ZNF382: variants seen among roughly 807,000 people sequenced by gnomAD.
The protein encoded by ZNF382 is zinc finger protein 382, also known as KRAB/zinc finger suppressor protein 1.
A neutral mutation model predicts 38.8 loss-of-function variants in ZNF382; 20 were observed. The observed-to-expected ratio is 0.51, with a 90% CI of 0.36 to 0.75. The LOEUF (loss-of-function observed/expected upper bound fraction) is 0.75. Ranked by LOEUF, ZNF382 falls within the 30% of genes least tolerant of loss-of-function variation. The pLI, the probability that ZNF382 is intolerant of heterozygous loss-of-function variation, is 0.00. For synonymous variants in ZNF382, 202 were observed against 223.1 expected (o/e 0.91, Z 0.84); for missense variants, 546 against 654.1 (o/e 0.83, Z 1.80).
In ZNF382 at chr19:36,619,648, G is replaced by C. The variant is rs1032607444; in HGVS notation, c.233-6482G>C. ...ACAAAGCGTTTTAAAGTGTCTCAAC[G>C]TTGAAAGCAAGAAAGGAAAAAATGT... On this transcript the variant is annotated intron_variant, in intron 4 of 4. Coordinates refer to ENST00000292928, the MANE Select transcript of ZNF382 (RefSeq NM_032825.5). Among the ~76,000 whole-genome samples, 3 of 152,180 alleles carry C rather than the reference G, an allele frequency of 2.0e-5. No homozygotes were observed. In the East Asian group the frequency reaches 5.8e-4, roughly 29 times the overall value.
intron 1 of ZNF382, among the ~76,000 whole-genome samples, chr19:36,606,462 T>C (rs1365634850): frequency 6.6e-6 from 1 of 151,990 alleles, no homozygotes; most frequent in African/African-American, 2.4e-5. Flanking sequence ...TTCAAGTGAT[T>C]CTCCTGCCCC....
At position 36,626,768 on chromosome 19, in the gene ZNF382, A is replaced by G. The variant is rs2037217360; in HGVS notation, c.871A>G (p.Thr291Ala). 21 of 1,614,220 alleles carry G rather than the reference A, an allele frequency of 1.3e-5. No individual in the cohort carries two copies. Among genetic ancestry groups the G allele is most frequent in the Non-Finnish European group, 1.7e-5 (20 of 1,180,044 alleles). ...PVFIMPQRPQ[T>A]EEKPFHCPYC... ...TTTTATTATGCCTCAGAGACCTCAA[A>G]CAGAAGAGAAACCCTTTCACTGTCC... The change falls in exon 5 of 5, where the codon ACA (threonine) becomes GCA (alanine). Residue 291 changes from threonine (T) to alanine (A), a missense_variant. Physicochemically the swap from Thr to Ala is moderately conservative, Grantham distance 58. Coordinates refer to ENST00000292928, the MANE Select transcript of ZNF382 (RefSeq NM_032825.5).
chr19:36,622,339 G>T (rs1351548342), intron 4 of ZNF382, among the ~76,000 whole-genome samples: 2 of 151,980 alleles, frequency 1.3e-5, no homozygotes, highest in African/African-American at 4.8e-5. Context: ...TTGATAATTT[G>T]CTGAAAAGAC....
Position 36,627,332 on chromosome 19 carries a change from C to G in ZNF382, c.1435C>G (p.Leu479Val), listed in dbSNP as rs924363355. Residue 479 changes from leucine to valine, a missense_variant, in exon 5 of 5, where the codon CTC (leucine) becomes GTC (valine). Physicochemically the swap from Leu to Val is conservative, Grantham distance 32. Coordinates refer to ENST00000292928, the MANE Select transcript of ZNF382 (RefSeq NM_032825.5). ...GAAGTCCTTCCGCCAGAAGGCAATC[C>G]TCACTGTTCATCACAGAATACATAC... ...CGKSFRQKAI[L>V]TVHHRIHTGE... 3 of 1,614,156 alleles carry G rather than the reference C, an allele frequency of 1.9e-6. No homozygotes were observed. Among genetic ancestry groups the G allele is most frequent in the Non-Finnish European group, 2.5e-6 (3 of 1,180,020 alleles).
intron 4 of ZNF382, among the ~76,000 whole-genome samples, chr19:36,625,130 T>TATATATATA (rs1275688692): frequency 6.9e-5 from 3 of 43,448 alleles, no homozygotes; most frequent in East Asian, 9.4e-4. Context: ...ATATATATAA[T>TATATATATA]GTATACACAA....
chr19:36,614,937 C>G (rs945562394), intron 4 of ZNF382, among the ~76,000 whole-genome samples: 120 of 97,040 alleles, frequency 1.2e-3, no homozygotes, highest in Middle Eastern at 5.3e-3. Context: ...TTCCCTTTCC[C>G]TTTCCCTTTC....
At chr19:36,610,169 T>A in intron 3 of ZNF382, 116 bp downstream of exon 3, 1 of 1,344,652 alleles carries the variant, frequency 7.4e-7, no homozygotes, top group Non-Finnish European at 1.0e-6. Flanking sequence ...CAGAAAATAT[T>A]ATATTGCCAG....
chr19:36,618,599 T>TA (rs2037144111), intron 4 of ZNF382, among the ~76,000 whole-genome samples: 1 of 152,240 alleles, frequency 6.6e-6, no homozygotes, highest in South Asian at 2.1e-4. Context: ...ATGTAGCTCT[T>TA]ATGCAGTGTG....
chr19:36,610,462 AAAAG>A (rs1466132574), intron 3 of ZNF382, 184 bp from the exon 4 acceptor site: 49 of 469,200 alleles, frequency 1.0e-4, no homozygotes, highest in East Asian at 8.1e-4. Flanking sequence ...TCAAAAAAAA[AAAAG>A]AAAAGAAAAG....
In ZNF382 at chr19:36,627,538, G is replaced by A. The variant is rs1442469354; in HGVS notation, c.1641G>A (p.Thr547=). Residue 547 remains threonine, a synonymous_variant, in exon 5 of 5, where the codon ACG becomes ACA. Transcript: ENST00000292928. Reference sequence around the variant, plus strand: ...AGAAAACTCACAAGGTAGAAACCACGGGAATTCAGTAAGTAATGTGGCTTT... The same window carrying A: ...AGAAAACTCACAAGGTAGAAACCACAGGAATTCAGTAAGTAATGTGGCTTT... ...VHQKTHKVET[T]GIQ The A allele has an allele frequency of 3.1e-6, 5 of 1,607,328 alleles. No homozygotes were observed. Among genetic ancestry groups the A allele is most frequent in the Admixed American group, 3.4e-5 (2 of 59,684 alleles).
At chr19:36,623,127 G>A (rs920613809) in intron 4 of ZNF382, among the ~76,000 whole-genome samples, 11 of 152,048 alleles carry the variant, frequency 7.2e-5, no homozygotes, top group African/African-American at 2.7e-4. Flanking sequence ...TGTAACAGAG[G>A]CCATGTATCC....
chr19:36,623,474 G>T (rs1385030057), intron 4 of ZNF382, among the ~76,000 whole-genome samples: 1 of 152,084 alleles, frequency 6.6e-6, no homozygotes, highest in Non-Finnish European at 1.5e-5. Context: ...AGACAGACGG[G>T]ATACTGAAAG....
chr19:36,623,304 G>A (rs528040509), intron 4 of ZNF382, among the ~76,000 whole-genome samples: 10 of 152,184 alleles, frequency 6.6e-5, no homozygotes, highest in African/African-American at 2.2e-4. Flanking sequence ...AGAGAAAATC[G>A]TCAATAAAAT....
At position 36,620,179 on chromosome 19, in the gene ZNF382, G is replaced by A. The variant is rs79307944; in HGVS notation, c.233-5951G>A. Among the ~76,000 whole-genome samples the A allele has an allele frequency of 5.5e-3, 837 of 152,182 alleles. 23 individuals are homozygous for A. Among genetic ancestry groups the A allele is most frequent in the Admixed American group, 0.037 (568 of 15,276 alleles). On this transcript the variant is annotated intron_variant, in intron 4 of 4. Coordinates refer to ENST00000292928, the MANE Select transcript of ZNF382 (RefSeq NM_032825.5). ...GAGTCTCACATCCCATTCTCACCATGAGACCTACCACCAGGTTCCAAAATC... is the reference window on the plus strand; with the variant it reads ...GAGTCTCACATCCCATTCTCACCATAAGACCTACCACCAGGTTCCAAAATC...
At position 36,610,035 on chromosome 19, in the gene ZNF382, T is replaced by C; in HGVS notation, c.121T>C (p.Cys41Arg). The C allele has an allele frequency of 1.2e-6, 2 of 1,613,650 alleles. No homozygotes were observed. The highest frequency in any genetic ancestry group is 2.2e-5 in the East Asian group (1 of 44,884). Residue 41 changes from cysteine to arginine, a missense_variant, in exon 3 of 5, where the codon TGC (cysteine) becomes CGC (arginine). By Grantham distance (180) the Cys-to-Arg change is radical (BLOSUM62 -3). Coordinates refer to ENST00000292928, the MANE Select transcript of ZNF382 (RefSeq NM_032825.5). ...LYRDVMLENYCHFVSVGFHMA... is the reference protein window; with the variant it reads ...LYRDVMLENYRHFVSVGFHMA... ...CAGGGATGTGATGTTGGAAAACTAT[T>C]GCCACTTCGTATCTGTGGGTAAGAA... is the stretch of plus-strand genomic sequence containing the variant.
rs1349781740 is a variant in ZNF382, at chr19:36,630,593, A to C, written c.*3043A>C. 1 of 152,112 alleles carries C rather than the reference A, an allele frequency of 6.6e-6. No individual in the cohort carries two copies. The highest frequency in any genetic ancestry group is 2.4e-5 in the African/African-American group (1 of 41,398). 9.4% of individuals were successfully genotyped at this position (152,112 alleles called of 1,614,324 possible). The stretch of plus-strand genomic sequence containing the variant: ...GGCGATCCACCCGCCTCAGCCTCCC[A>C]AAGTGCTGAGATTACAGGTGTGAGC... On this transcript the variant is annotated 3_prime_UTR_variant, in exon 5 of 5. Transcript: ENST00000292928.
At chr19:36,605,664 T>TGTTCGCGCGCGCTGC (rs1568625341) in intron 1 of ZNF382, 2 of 152,070 alleles carry the variant, frequency 1.3e-5, no homozygotes, top group South Asian at 2.1e-4. Context: ...GCGGGCGCTG[T>TGTTCGCGCGCGCTGC]GTGTTCGCGC....
At chr19:36,612,188 C>A (rs2037082855) in intron 4 of ZNF382, among the ~76,000 whole-genome samples, 1 of 152,234 alleles carries the variant, frequency 6.6e-6, no homozygotes, top group African/African-American at 2.4e-5. Flanking sequence ...GTTGTGATGT[C>A]TACCAACATA....
chr19:36,625,850 C>T (rs548912674), intron 4 of ZNF382, among the ~76,000 whole-genome samples: 14 of 152,308 alleles, frequency 9.2e-5, no homozygotes, highest in South Asian at 6.2e-4. Flanking sequence ...TGAGCCACTG[C>T]GCCCGGCCAT....
Sources: allele counts gnomAD v4.1 joint callset (sites outside exome capture counted in the v4.1 genomes callset), GRCh38; gene constraint gnomAD v4.1.1; transcripts MANE v1.5; gene names NCBI Gene and HGNC (gene_info 2026-07-23, HGNC 2026-07-21).